The following ELF1 variants were observed in gnomAD, a reference collection of about 807,000 sequenced individuals.
ELF1 encodes the protein E74 like ETS transcription factor 1.
ELF1 carries 24 observed loss-of-function variants against 59.9 expected under a neutral mutation model. The observed-to-expected ratio is 0.40, with a 90% CI of 0.29 to 0.56. The LOEUF is 0.56. Among genes scored for constraint, ELF1 ranks in the 20% least tolerant of loss-of-function variants. The pLI is 0.44. For synonymous variants in ELF1, 248 were observed against 266.2 expected, an observed-to-expected ratio of 0.93 and a Z score of 0.67; for missense variants, 627 against 742.2, an observed-to-expected ratio of 0.84 and a Z score of 1.80.
In ELF1 at chr13:40,955,096, T is replaced by C. The variant is rs369423287; in HGVS notation, c.254-3660A>G. Among the ~76,000 whole-genome samples, 770 of 148,074 alleles carry C rather than the reference T, an allele frequency of 5.2e-3. 7 individuals are homozygous for C. The highest frequency in any genetic ancestry group is 0.019 in the African/African-American group (733 of 39,532). On this transcript the variant is annotated intron_variant, in intron 3 of 8. Transcript: ENST00000239882. ...GATGTGAGGAGCGTCTCTGCCCGGCTGCCCCGTCTGAGAAGTGAGGAGACC... is the reference window on the plus strand; with the variant it reads ...GATGTGAGGAGCGTCTCTGCCCGGCCGCCCCGTCTGAGAAGTGAGGAGACC...
At chr13:41,013,129 C>G (rs1210457774) in intron 1 of ELF1, among the ~76,000 whole-genome samples, 1 of 151,956 alleles carries the variant, frequency 6.6e-6, no homozygotes, top group Admixed American at 6.6e-5. Flanking sequence ...GATTTTACAC[C>G]CCAGGGCAAT....
chr13:41,047,157 G>A (rs1464804231), intron 1 of ELF1, among the ~76,000 whole-genome samples: 2 of 152,084 alleles, frequency 1.3e-5, no homozygotes, highest in East Asian at 1.9e-4. Flanking sequence ...CTCTACACTG[G>A]TTATTCTAGG....
intron 1 of ELF1, among the ~76,000 whole-genome samples, chr13:40,989,194 T>C (rs1023219412): frequency 1.3e-5 from 2 of 152,212 alleles, no homozygotes; most frequent in African/African-American, 4.8e-5. Flanking sequence ...AATGTAGGTA[T>C]AGTTAAGAAA....
At chr13:41,013,870 GTTT>G (rs886353925) in intron 1 of ELF1, among the ~76,000 whole-genome samples, 1 of 151,722 alleles carries the variant, frequency 6.6e-6, no homozygotes, top group Non-Finnish European at 1.5e-5. Flanking sequence ...CATTTTAATA[GTTT>G]TATTATAAAA....
At chr13:40,937,449 CT>C (rs1869855514) in intron 8 of ELF1, among the ~76,000 whole-genome samples, 1 of 152,146 alleles carries the variant, frequency 6.6e-6, no homozygotes, top group Admixed American at 6.5e-5. Flanking sequence ...AATTTCACAT[CT>C]AATAATTAGC....
upstream of ELF1, among the ~76,000 whole-genome samples, chr13:41,023,490 TTGAG>T (rs1361109343): frequency 2.6e-5 from 4 of 152,186 alleles, no homozygotes; most frequent in African/African-American, 9.7e-5. Flanking sequence ...AAGACTGAGA[TTGAG>T]TGTTATGAAT....
At chr13:41,042,643 CT>C (rs1876666778) in intron 1 of ELF1, among the ~76,000 whole-genome samples, 1 of 152,056 alleles carries the variant, frequency 6.6e-6, no homozygotes, top group Admixed American at 6.6e-5. Flanking sequence ...TGAACTCATC[CT>C]TTTTTATGGC....
intron 1 of ELF1, among the ~76,000 whole-genome samples, chr13:41,024,621 C>G (rs1415518848): frequency 6.6e-6 from 1 of 152,156 alleles, no homozygotes; most frequent in Admixed American, 6.5e-5. Flanking sequence ...AAGCGATCCG[C>G]CTGCCTCGGC....
chr13:40,937,791 TA>T lies in ELF1; in HGVS notation c.1256+3129del, dbSNP rs553943811. On this transcript the variant is annotated intron_variant, in intron 8 of 8. Coordinates refer to ENST00000239882, the MANE Select transcript of ELF1 (RefSeq NM_172373.4). ...GCTTCTATATGCTTTTAGGATAACC[TA>T]CACATTATACATTTTCACAGGTTTG... Among the ~76,000 whole-genome samples, 33 of 151,528 alleles carry T rather than the reference TA, an allele frequency of 2.2e-4. No homozygotes were observed. In the East Asian group the frequency reaches 6.5e-3, roughly 30 times the overall value.
chr13:41,046,791 T>C (rs1202735652), intron 1 of ELF1, among the ~76,000 whole-genome samples: 1 of 152,206 alleles, frequency 6.6e-6, no homozygotes, highest in Non-Finnish European at 1.5e-5. Flanking sequence ...AGGAGTATCT[T>C]TGTGGTGTTC....
rs138161971 is a variant in ELF1 at position 40,933,812 on chromosome 13, C to T, written c.1473G>A (p.Ala491=). The stretch of plus-strand genomic sequence containing the variant: ...CCAAGACAATTGAAGGAGGAGAGCC[C>T]GCCTTTTGTGACTGCAGCATGACAT... ...KENVMLQSQK[A]GSPPSIVLGP... is the part of the protein sequence containing the mutation. Residue 491 remains alanine, a synonymous_variant, in exon 9 of 9, where the codon GCG becomes GCA. Coordinates refer to ENST00000239882, the MANE Select transcript of ELF1 (RefSeq NM_172373.4). 6.2e-6 allele frequency: 10 copies of T among 1,614,122 alleles called. No homozygotes were observed. The highest frequency in any genetic ancestry group is 5.3e-5 in the African/African-American group (4 of 74,934).
intron 3 of ELF1, among the ~76,000 whole-genome samples, chr13:40,958,269 C>G (rs1291783585): frequency 6.6e-6 from 1 of 152,160 alleles, no homozygotes; most frequent in Non-Finnish European, 1.5e-5. Context: ...AATCCCAGGA[C>G]CTTATCGTAC....
intron 1 of ELF1, among the ~76,000 whole-genome samples, chr13:40,986,756 A>C (rs1777960090): frequency 6.6e-6 from 1 of 151,780 alleles, no homozygotes; most frequent in Admixed American, 6.6e-5. Flanking sequence ...ACTAGCTACT[A>C]CAACCACTTC....
intron 1 of ELF1, among the ~76,000 whole-genome samples, chr13:41,011,322 T>C (rs1875048547): frequency 6.6e-6 from 1 of 152,252 alleles, no homozygotes. Flanking sequence ...TTAATGGATC[T>C]CAACTGGAAA....
chr13:40,965,725 A>T (rs1299135742), intron 2 of ELF1, among the ~76,000 whole-genome samples: 1 of 152,188 alleles, frequency 6.6e-6, no homozygotes, highest in Non-Finnish European at 1.5e-5. Flanking sequence ...GACCTTCCAA[A>T]CCTTCCAAAC....
At chr13:41,027,645 T>C (rs1266229537) in intron 1 of ELF1, among the ~76,000 whole-genome samples, 3 of 152,178 alleles carry the variant, frequency 2.0e-5, no homozygotes, top group Non-Finnish European at 4.4e-5. Context: ...AGATACAAAT[T>C]TGCCTTTCCT....
chr13:41,060,919 C>CCGCCAA (rs1877561913), exon 1 of ELF1: 2 of 37,370 alleles, frequency 5.4e-5, no homozygotes, highest in African/African-American at 1.7e-4. Context: ...GCTGCTGCCG[C>CCGCCAA]CGCCGCCGCC....
intron 2 of ELF1, among the ~76,000 whole-genome samples, chr13:40,978,853 G>A (rs1593375736): frequency 6.6e-6 from 1 of 151,372 alleles, no homozygotes; most frequent in East Asian, 1.9e-4. Flanking sequence ...AGTAGTAGTA[G>A]AAATTAATAC....
At chr13:41,053,519 A>C (rs1425632640) in intron 1 of ELF1, among the ~76,000 whole-genome samples, 2 of 152,176 alleles carry the variant, frequency 1.3e-5, no homozygotes, top group Non-Finnish European at 2.9e-5. Flanking sequence ...TCACCTTCTT[A>C]AATAAGGCAC....
Sources: allele counts gnomAD v4.1 joint callset (sites outside exome capture counted in the v4.1 genomes callset), GRCh38; gene constraint gnomAD v4.1.1; transcripts MANE v1.5; gene names NCBI Gene and HGNC (gene_info 2026-07-23, HGNC 2026-07-21).